Variants in CUL7 observed in about 807,000 individuals in gnomAD.
CUL7 encodes the protein cullin 7, also known as cullin-7.
CUL7 carries 96 observed loss-of-function variants against 177.7 expected under a neutral mutation model. That is an observed-to-expected ratio of 0.54 (90% CI 0.46 to 0.64). CUL7 has a LOEUF of 0.64. Ranked by LOEUF, CUL7 falls within the 30% of genes least tolerant of loss-of-function variation. The pLI is 0.00. For missense variants in CUL7, 1,893 were observed against 2,187.9 expected, an observed-to-expected ratio of 0.87 and a Z score of 2.69; for synonymous variants, 824 against 890.2, an observed-to-expected ratio of 0.93 and a Z score of 1.32.
Position 43,041,054 on chromosome 6 carries a change from G to A in CUL7, c.3667C>T (p.His1223Tyr), listed in dbSNP as rs1763377598. 2 of 1,613,886 alleles carry A rather than the reference G, an allele frequency of 1.2e-6. No individual in the cohort carries two copies. Among genetic ancestry groups the A allele is most frequent in the African/African-American group, 1.3e-5 (1 of 74,922 alleles). The change falls in exon 20 of 26, where the codon CAC becomes TAC. Residue 1223 changes from histidine (H) to tyrosine (Y), a missense_variant. This residue lies in a region of CUL7 where 973 missense variants were observed against 1,140.9 expected (regional missense o/e 0.85). Coordinates refer to ENST00000265348, the MANE Select transcript of CUL7 (RefSeq NM_014780.5). The stretch of plus-strand genomic sequence containing the variant: ...CTGCCCTGGATCTGCTGGTCAATGT[G>A]CCGGGCGAACTGCTCACTCACCTGA... ...AAHVSEQFAR[H>Y]IDQQIQGSRI...
At position 43,053,639 on chromosome 6, in the gene CUL7, G is replaced by T; in HGVS notation, c.-26C>A. 7.3e-7 allele frequency: 1 copy of T among 1,378,166 alleles called. No homozygotes were observed. The highest frequency in any genetic ancestry group is 9.3e-7 in the Non-Finnish European group (1 of 1,070,694). The allele number at this position is 1,378,166 out of a possible 1,614,324, so 85.4% of individuals were successfully genotyped here. ...CTGGCCACCTCAGAAGTCCACCGGG[G>T]TCCTGGCGCGAGGCCTGTCCTTCAC... is the stretch of plus-strand genomic sequence containing the variant. On this transcript the variant is annotated 5_prime_UTR_variant, in exon 1 of 26. Coordinates refer to ENST00000265348, the MANE Select transcript of CUL7 (RefSeq NM_014780.5). This position sits in a 1 kb window ranked among gnomAD's most constrained non-coding sequence, Gnocchi z 4.1.
In CUL7 at chr6:43,049,451, G is replaced by A. The variant is rs370354399; in HGVS notation, c.1781C>T (p.Ala594Val). ...TTCTGAGTCCTTAGCCTGGGCCTGC[G>A]CGTCTAGCAGGAGGACATCTTCTTG... Reference protein sequence around the residue: ...EAQEDVLLLDAQAQAKDSEDA... With the variant: ...EAQEDVLLLDVQAQAKDSEDA... Residue 594 changes from alanine (A) to valine (V), a missense_variant, in exon 7 of 26, where the codon GCG (alanine) becomes GTG (valine). Physicochemically the swap from Ala to Val is moderately conservative, Grantham distance 64. Around this residue, in one of 5 missense-constraint regions of CUL7, gnomAD observed 973 missense variants for 1,140.9 expected, o/e 0.85. Coordinates refer to ENST00000265348, the MANE Select transcript of CUL7 (RefSeq NM_014780.5). The A allele has an allele frequency of 2.0e-5, 32 of 1,614,102 alleles. 1 individual carries two copies. The highest frequency in any genetic ancestry group is 3.3e-5 in the Admixed American group (2 of 60,006).
chr6:43,049,139 C>T (rs556766537), intron 7 of CUL7, among the ~76,000 whole-genome samples: 1 of 152,306 alleles, frequency 6.6e-6, no homozygotes, highest in South Asian at 2.1e-4. Flanking sequence ...TATTTCAAAG[C>T]ATGGAATATG....
intron 22 of CUL7, among the ~76,000 whole-genome samples, chr6:43,039,382 C>G (rs567504052): frequency 2.6e-5 from 4 of 152,236 alleles, no homozygotes; most frequent in East Asian, 1.9e-4. Flanking sequence ...CCTCTTCCCC[C>G]TCCTGTGTTG....
At position 43,045,774 on chromosome 6, in the gene CUL7, C is replaced by G. The variant is rs548719254; in HGVS notation, c.2767-92G>C. On this transcript the variant is annotated intron_variant, in intron 13 of 25. Transcript: ENST00000265348. This position sits in a 1 kb window ranked among gnomAD's most constrained non-coding sequence, Gnocchi z 4.8. ...CCCCTCACTGTTTCCCTCCCTTCCC[C>G]AGCCCTGGGATGTGTAGGGTCCTGA... 7.0e-7 allele frequency: 1 copy of G among 1,427,290 alleles called. No homozygotes were observed. The highest frequency in any genetic ancestry group is 2.3e-5 in the East Asian group (1 of 43,138). 88.4% of individuals were successfully genotyped at this position (1,427,290 alleles called of 1,614,324 possible).
In CUL7 at chr6:43,041,084, T is replaced by C. The variant is rs752394086; in HGVS notation, c.3646-9A>G. On this transcript the variant is annotated splice_polypyrimidine_tract_variant and intron_variant, in intron 19 of 25. Transcript: ENST00000265348. Reference sequence around the variant, plus strand: ...GCGAACTGCTCACTCACCTGAGCAATGGCAGAGCACAGGAAAGCCATGAAT... The same window carrying C: ...GCGAACTGCTCACTCACCTGAGCAACGGCAGAGCACAGGAAAGCCATGAAT... 6 of 1,613,530 alleles carry C rather than the reference T, an allele frequency of 3.7e-6. No individual in the cohort carries two copies. Among genetic ancestry groups the C allele is most frequent in the Middle Eastern group, 1.7e-4 (1 of 5,970 alleles).
In CUL7 at chr6:43,040,458, GCCT is replaced by G; in HGVS notation, c.4024-35_4024-33del. 6.2e-7 allele frequency: 1 copy of G among 1,612,066 alleles called. No homozygotes were observed. Among genetic ancestry groups the G allele is most frequent in the Non-Finnish European group, 8.5e-7 (1 of 1,179,994 alleles). ...GAGCACAGGGTTCCCAGATGCCATG[GCCT>G]CCTCCAGTCTGCTCCACGCCCCTCT... is the stretch of plus-strand genomic sequence containing the variant. On this transcript the variant is annotated intron_variant, in intron 21 of 25. Coordinates refer to ENST00000265348, the MANE Select transcript of CUL7 (RefSeq NM_014780.5). This position sits in a 1 kb window ranked among gnomAD's most constrained non-coding sequence, Gnocchi z 4.2.
chr6:43,048,324 G>A lies in CUL7; in HGVS notation c.2063+8C>T. The A allele has an allele frequency of 6.3e-7, 1 of 1,597,840 alleles. No homozygotes were observed. The highest frequency in any genetic ancestry group is 8.6e-7 in the Non-Finnish European group (1 of 1,165,044). ...CCTCAGAGATCCCACCTGTCACCAT[G>A]CTCTCACCTCAGCACAGTCAGGTGC... On this transcript the variant is annotated splice_region_variant and intron_variant, in intron 8 of 25. Coordinates refer to ENST00000265348, the MANE Select transcript of CUL7 (RefSeq NM_014780.5).
In CUL7 at chr6:43,044,743, G is replaced by A; in HGVS notation, c.3172+9C>T. ...AGATAGTAATGGGTCCAGATGTCAG[G>A]ATGGTTACCAGGGGAGGTGATGTTC... is the stretch of plus-strand genomic sequence containing the variant. On this transcript the variant is annotated intron_variant, in intron 16 of 25. Transcript: ENST00000265348. 6.2e-7 allele frequency: 1 copy of A among 1,607,868 alleles called. No homozygotes were observed. The highest frequency in any genetic ancestry group is 8.5e-7 in the Non-Finnish European group (1 of 1,174,906).
rs1351219363 is a variant in CUL7, at chr6:43,051,227, C to G, written c.974G>C (p.Arg325Pro). Residue 325 changes from arginine to proline, a missense_variant, in exon 4 of 26, where the codon CGG (arginine) becomes CCG (proline). By Grantham distance (103) the Arg-to-Pro change is moderately radical. Transcript: ENST00000265348. The surrounding 1 kb of genome is among the most constrained non-coding windows in gnomAD (Gnocchi z 5.0). The part of the protein sequence containing the change: ...QASDRPRSSA[R>P]SPGSIFQPQL... ...AGGCTGGAAGATGGAACCGGGGGAC[C>G]GTGCTGAGCTCCTTGGTCTGTCTGA... 6.2e-7 allele frequency: 1 copy of G among 1,614,080 alleles called. No homozygotes were observed.
intron 19 of CUL7, among the ~76,000 whole-genome samples, chr6:43,041,934 G>C (rs1004222589): frequency 1.3e-5 from 2 of 151,112 alleles, no homozygotes; most frequent in Non-Finnish European, 3.0e-5. Context: ...AACCTGGGAG[G>C]CGGAGGTTGT....
At chr6:43,047,901 T>TG (rs1448007253) in intron 9 of CUL7, 6 of 559,870 alleles carry the variant, frequency 1.1e-5, no homozygotes, top group Non-Finnish European at 1.6e-5. Context: ...TGGGGGACCC[T>TG]GGGGGAACAG....
intron 22 of CUL7, among the ~76,000 whole-genome samples, 155 bp from the exon 23 acceptor site, chr6:43,039,142 C>T (rs1763199548): frequency 6.6e-6 from 1 of 152,362 alleles, no homozygotes; most frequent in Non-Finnish European, 1.5e-5. Flanking sequence ...GCTTCCAGAT[C>T]TCAGCCTTCT....
chr6:43,052,075 C>T lies in CUL7; in HGVS notation c.580+134G>A, dbSNP rs1409581768. On this transcript the variant is annotated intron_variant, in intron 2 of 25. Coordinates refer to ENST00000265348, the MANE Select transcript of CUL7 (RefSeq NM_014780.5). This position sits in a 1 kb window ranked among gnomAD's most constrained non-coding sequence, Gnocchi z 4.5. Reference sequence around the variant, plus strand: ...ACTCCCATGCCCACCTCCTTTTCTTCCAACTCTAAGAGAAGGGCAACAGAA... The same window carrying T: ...ACTCCCATGCCCACCTCCTTTTCTTTCAACTCTAAGAGAAGGGCAACAGAA... 2.7e-6 allele frequency: 4 copies of T among 1,499,560 alleles called. No homozygotes were observed. The African/African-American group carries it at 5.6e-5, about 21-fold the overall frequency. 92.9% of individuals were successfully genotyped at this position (1,499,560 alleles called of 1,614,324 possible). A position where few individuals can be genotyped will look rare whatever the true frequency, so the allele number is the denominator to read the frequency against.
intron 16 of CUL7, among the ~76,000 whole-genome samples, chr6:43,044,038 G>A (rs1763678761): frequency 6.7e-6 from 1 of 148,356 alleles, no homozygotes; most frequent in African/African-American, 2.5e-5. Flanking sequence ...TTAGCCAGGT[G>A]TGGGTCAGGC....
At position 43,045,059 on chromosome 6, in the gene CUL7, C is replaced by A. The variant is rs1763774325; in HGVS notation, c.3038+168G>T. On this transcript the variant is annotated intron_variant, in intron 15 of 25. Transcript: ENST00000265348. This position sits in a 1 kb window ranked among gnomAD's most constrained non-coding sequence, Gnocchi z 4.8. ...CCCATTCCCAGCCCACTGGAGAAAT[C>A]TTTTCTCTTTATCCTTTCTTCCCCT... Among the ~76,000 whole-genome samples the A allele has an allele frequency of 6.6e-6, 1 of 152,126 alleles. No homozygotes were observed. Among genetic ancestry groups the A allele is most frequent in the African/African-American group, 2.4e-5 (1 of 41,416 alleles).
In CUL7 at chr6:43,052,494, C is replaced by G. The variant is rs958871734; in HGVS notation, c.295G>C (p.Val99Leu). Residue 99 changes from valine (V) to leucine (L), a missense_variant, in exon 2 of 26, where the codon GTT becomes CTT. Val to Leu is a conservative substitution (Grantham distance 32, BLOSUM62 1). Transcript: ENST00000265348. This position sits in a 1 kb window ranked among gnomAD's most constrained non-coding sequence, Gnocchi z 4.5. ...AGCACAGATTTGTCCAGGGCCCCAA[C>G]CTCCCCTGCAGACTCCTGGGAGGGC... ...IGPSQESAGE[V>L]GALDKSVLEE... 1 of 1,614,096 alleles carries G rather than the reference C, an allele frequency of 6.2e-7. No homozygotes were observed. The highest frequency in any genetic ancestry group is 1.3e-5 in the African/African-American group (1 of 74,946).
chr6:43,053,776 C>T lies in CUL7; in HGVS notation c.-163G>A, dbSNP rs1764677356. 4 of 1,531,218 alleles carry T rather than the reference C, an allele frequency of 2.6e-6. No individual in the cohort carries two copies. The highest frequency in any genetic ancestry group is 3.5e-6 in the Non-Finnish European group (4 of 1,145,200). 94.9% of individuals were successfully genotyped at this position (1,531,218 alleles called of 1,614,324 possible). A position where few individuals can be genotyped will look rare whatever the true frequency, so the allele number is the denominator to read the frequency against. ...GGCGTGCCTCCGCGGAACAGAGCTG[C>T]ACCCGCGTGAGTCGGCAGCCACTGG... is the stretch of plus-strand genomic sequence containing the variant. On this transcript the variant is annotated 5_prime_UTR_variant, in exon 1 of 26. Transcript: ENST00000265348. This position sits in a 1 kb window ranked among gnomAD's most constrained non-coding sequence, Gnocchi z 4.1.
rs1287254353 is a variant in CUL7 at position 43,050,589 on chromosome 6, CACACACACACACACACAG to C, written c.1234-209_1234-192del. ...ACACACACACACACACACACACACA[CACACACACACACACACAG>C]GATGCCTTCTCCTTTGGGGGATGGG... On this transcript the variant is annotated intron_variant, in intron 4 of 25. Coordinates refer to ENST00000265348, the MANE Select transcript of CUL7 (RefSeq NM_014780.5). This position sits in a 1 kb window ranked among gnomAD's most constrained non-coding sequence, Gnocchi z 4.1. Among the ~76,000 whole-genome samples the C allele has an allele frequency of 7.3e-6, 1 of 136,636 alleles. No individual in the cohort carries two copies. Among genetic ancestry groups the C allele is most frequent in the African/African-American group, 3.1e-5 (1 of 32,166 alleles). The allele number at this position is 136,636 out of a possible 152,430, so 89.6% of individuals were successfully genotyped here.
Sources: allele counts gnomAD v4.1 joint callset (sites outside exome capture counted in the v4.1 genomes callset), GRCh38; gene constraint gnomAD v4.1.1; regional missense constraint gnomAD v4.1.1; non-coding constraint Gnocchi (gnomAD v3.1); transcripts MANE v1.5; gene names NCBI Gene and HGNC (gene_info 2026-07-23, HGNC 2026-07-21).